Variants in MTA1 observed in about 807,000 individuals in gnomAD.
MTA1 encodes metastasis-associated protein MTA1.
MTA1 carries 15 observed loss-of-function variants against 97.0 expected under a neutral mutation model. The ratio of observed to expected loss-of-function variants is 0.15; its 90% confidence interval spans 0.10 to 0.24. The LOEUF is 0.24. Ranked by LOEUF, MTA1 falls within the 10% of genes least tolerant of loss-of-function variation. The probability of loss-of-function intolerance (pLI) is 1.00; values close to 1 mark genes in which losing one functional copy is unlikely to be tolerated. For synonymous variants in MTA1, 435 were observed against 417.5 expected, an observed-to-expected ratio of 1.04 and a Z score of -0.51; for missense variants, 709 against 1,015.1, an observed-to-expected ratio of 0.70 and a Z score of 4.10.
Position 105,463,090 on chromosome 14 carries a change from T to C in MTA1, c.943-94T>C. ...CCTCGCCCTCTGGCCTCCCGCCCCC[T>C]CTGTGGCCTTCTGGCCGCAGCCCTG... is the stretch of plus-strand genomic sequence containing the variant. On this transcript the variant is annotated intron_variant, in intron 10 of 20. Coordinates refer to ENST00000331320, the MANE Select transcript of MTA1 (RefSeq NM_004689.4). This position sits in a 1 kb window ranked among gnomAD's most constrained non-coding sequence, Gnocchi z 5.9. The C allele has an allele frequency of 7.9e-7, 1 of 1,272,452 alleles. No homozygotes were observed. Among genetic ancestry groups the C allele is most frequent in the African/African-American group, 1.5e-5 (1 of 68,154 alleles). The allele number at this position is 1,272,452 out of a possible 1,614,324, so 78.8% of individuals were successfully genotyped here.
chr14:105,463,894 G>T lies in MTA1; in HGVS notation c.1077-138G>T. On this transcript the variant is annotated intron_variant, in intron 12 of 20. Coordinates refer to ENST00000331320, the MANE Select transcript of MTA1 (RefSeq NM_004689.4). This position sits in a 1 kb window ranked among gnomAD's most constrained non-coding sequence, Gnocchi z 5.9. ...TCCCAGGAACTGAAAGGGGAGAAAGGAAGATCCCTGCCGAGGCCGAGGGGT... is the reference window on the plus strand; with the variant it reads ...TCCCAGGAACTGAAAGGGGAGAAAGTAAGATCCCTGCCGAGGCCGAGGGGT... 1.2e-6 allele frequency: 1 copy of T among 813,736 alleles called. No homozygotes were observed. The allele number at this position is 813,736 out of a possible 1,614,324, so 50.4% of individuals were successfully genotyped here. A position where few individuals can be genotyped will look rare whatever the true frequency, so the allele number is the denominator to read the frequency against.
At position 105,445,425 on chromosome 14, in the gene MTA1, A is replaced by G. The variant is rs1261472589; in HGVS notation, c.104A>G (p.Asn35Ser). 1.2e-6 allele frequency: 2 copies of G among 1,613,730 alleles called. No individual in the cohort carries two copies. The highest frequency in any genetic ancestry group is 1.7e-6 in the Non-Finnish European group (2 of 1,179,898). The change falls in exon 3 of 21, where the codon AAT becomes AGT. Residue 35 changes from asparagine to serine, a missense_variant. Physicochemically the swap from Asn to Ser is conservative, Grantham distance 46. Around this residue, in one of 2 missense-constraint regions of MTA1, gnomAD observed 321 missense variants for 593.5 expected, o/e 0.54. Coordinates refer to ENST00000331320, the MANE Select transcript of MTA1 (RefSeq NM_004689.4). ...CCTGCCTTGCTGTTACAGACGGCCA[A>G]TGGGAACGTGGAGGCCAAAGTGGTG... is the stretch of plus-strand genomic sequence containing the variant. ...RRIEELNKTA[N>S]GNVEAKVVCF...
chr14:105,439,357 G>A (rs1401681741), intron 2 of MTA1, among the ~76,000 whole-genome samples: 2 of 151,996 alleles, frequency 1.3e-5, no homozygotes, highest in Admixed American at 6.5e-5. Flanking sequence ...GTCGGGGGAC[G>A]TGGTTGTGCC....
At chr14:105,449,025 G>T (rs753753670) in intron 3 of MTA1, 1 of 287,848 alleles carries the variant, frequency 3.5e-6, no homozygotes, top group African/African-American at 2.2e-5. Flanking sequence ...GCTGCTGGCC[G>T]GTGCCCGGCC....
chr14:105,449,668 G>A lies in MTA1; in HGVS notation c.241+259G>A, dbSNP rs587669336. 6.1e-4 allele frequency among the ~76,000 whole-genome samples: 93 copies of A among 152,280 alleles called. 2 individuals carry two copies. The East Asian group carries it at 0.016, about 27-fold the overall frequency. ...GGCTGTCTGGCCACGAGATGGGGAC[G>A]GACAGAGGGCGGCTGCCCCTCGCCC... On this transcript the variant is annotated intron_variant, in intron 4 of 20. Transcript: ENST00000331320.
At position 105,420,028 on chromosome 14, in the gene MTA1, G is replaced by C; in HGVS notation, c.-8G>C. 9.3e-7 allele frequency: 1 copy of C among 1,075,780 alleles called. No homozygotes were observed. Among genetic ancestry groups the C allele is most frequent in the South Asian group, 2.9e-5 (1 of 34,742 alleles). 66.6% of individuals were successfully genotyped at this position (1,075,780 alleles called of 1,614,324 possible). On this transcript the variant is annotated 5_prime_UTR_variant, in exon 1 of 21. Transcript: ENST00000331320. This position sits in a 1 kb window ranked among gnomAD's most constrained non-coding sequence, Gnocchi z 5.3. Reference sequence around the variant, plus strand: ...GCCCCGGGCCCCTCCGCCGCCGCCGGCCCGGACATGGCCGCCAACATGTAC... The same window carrying C: ...GCCCCGGGCCCCTCCGCCGCCGCCGCCCCGGACATGGCCGCCAACATGTAC...
intron 6 of MTA1, among the ~76,000 whole-genome samples, chr14:105,451,651 G>C (rs1245108011): frequency 6.6e-6 from 1 of 152,208 alleles, no homozygotes; most frequent in Non-Finnish European, 1.5e-5. Flanking sequence ...GCAGTGACAA[G>C]CCTGTCTGCA....
chr14:105,468,208 C>G, intron 18 of MTA1: 2 of 980,452 alleles, frequency 2.0e-6, no homozygotes, highest in Non-Finnish European at 2.9e-6. Context: ...GGGGCCCCAG[C>G]GCTCTAACCC....
Position 105,422,940 on chromosome 14 carries a change from G to A in MTA1, c.28+2877G>A, listed in dbSNP as rs2081892085. On this transcript the variant is annotated intron_variant, in intron 1 of 20. Transcript: ENST00000331320. The surrounding 1 kb of genome is among the most constrained non-coding windows in gnomAD (Gnocchi z 4.3). The stretch of plus-strand genomic sequence containing the variant: ...GGTTCCCTGACCTCTGCTTCTCAAG[G>A]GTTGTCCATCCCGAGGGCTGGGGAA... Among the ~76,000 whole-genome samples the A allele has an allele frequency of 6.6e-6, 1 of 152,162 alleles. No individual in the cohort carries two copies. Among genetic ancestry groups the A allele is most frequent in the Non-Finnish European group, 1.5e-5 (1 of 68,028 alleles).
chr14:105,460,548 G>A, intron 9 of MTA1, 91 bp downstream of exon 9: 1 of 1,342,342 alleles, frequency 7.4e-7, no homozygotes, highest in Non-Finnish European at 1.0e-6. Context: ...CCCAGCACCT[G>A]CCCCAGGTAT....
Position 105,422,353 on chromosome 14 carries a change from G to A in MTA1, c.28+2290G>A, listed in dbSNP as rs1206985685. ...GGGAGGTGGGCGTCTGGATTCTTGAGCCCCCAGACAAGAAAGAGGAAGGTG... is the reference window on the plus strand; with the variant it reads ...GGGAGGTGGGCGTCTGGATTCTTGAACCCCCAGACAAGAAAGAGGAAGGTG... On this transcript the variant is annotated intron_variant, in intron 1 of 20. Coordinates refer to ENST00000331320, the MANE Select transcript of MTA1 (RefSeq NM_004689.4). This position sits in a 1 kb window ranked among gnomAD's most constrained non-coding sequence, Gnocchi z 4.3. 6.6e-6 allele frequency among the ~76,000 whole-genome samples: 1 copy of A among 152,122 alleles called. No individual in the cohort carries two copies. The highest frequency in any genetic ancestry group is 1.5e-5 in the Non-Finnish European group (1 of 68,020).
chr14:105,449,316 C>G (rs375227537), intron 3 of MTA1, 43 bp from the exon 4 acceptor site: 113 of 1,598,996 alleles, frequency 7.1e-5, no homozygotes, highest in Non-Finnish European at 9.3e-5. Flanking sequence ...GGCCGCCACC[C>G]TGTGCTGACC....
At position 105,422,772 on chromosome 14, in the gene MTA1, G is replaced by A. The variant is rs978704903; in HGVS notation, c.28+2709G>A. Among the ~76,000 whole-genome samples the A allele has an allele frequency of 2.0e-5, 3 of 152,220 alleles. No homozygotes were observed. The highest frequency in any genetic ancestry group is 4.4e-5 in the Non-Finnish European group (3 of 68,036). On this transcript the variant is annotated intron_variant, in intron 1 of 20. Coordinates refer to ENST00000331320, the MANE Select transcript of MTA1 (RefSeq NM_004689.4). This position sits in a 1 kb window ranked among gnomAD's most constrained non-coding sequence, Gnocchi z 4.3. ...GTGAAGGTGTGGTGGCAGTATTTTTGTGCCAGCTGAGCTGGGTGAAGTGGT... is the reference window on the plus strand; with the variant it reads ...GTGAAGGTGTGGTGGCAGTATTTTTATGCCAGCTGAGCTGGGTGAAGTGGT...
At chr14:105,421,059 C>T (rs1008018568) in intron 1 of MTA1, among the ~76,000 whole-genome samples, 1 of 152,220 alleles carries the variant, frequency 6.6e-6, no homozygotes, top group East Asian at 1.9e-4. Flanking sequence ...AGCGTGGCTT[C>T]TGCTGCCTTG....
chr14:105,440,166 C>T (rs1177977817), intron 2 of MTA1, among the ~76,000 whole-genome samples: 1 of 152,208 alleles, frequency 6.6e-6, no homozygotes. Context: ...CTGGGCAGGG[C>T]CTGCCCGCCT....
At chr14:105,436,174 C>T (rs1363367306) in intron 1 of MTA1, among the ~76,000 whole-genome samples, 2 of 152,152 alleles carry the variant, frequency 1.3e-5, no homozygotes, top group African/African-American at 4.8e-5. Flanking sequence ...GAGGTTGAGG[C>T]AGAAGAATCA....
At chr14:105,431,922 G>A (rs587750136) in intron 1 of MTA1, among the ~76,000 whole-genome samples, 9 of 152,254 alleles carry the variant, frequency 5.9e-5, no homozygotes, top group South Asian at 2.1e-4. Flanking sequence ...CACTACACCC[G>A]GCCTGTGGAA....
intron 18 of MTA1, chr14:105,467,813 T>C: frequency 3.8e-6 from 1 of 262,840 alleles, no homozygotes; most frequent in Non-Finnish European, 7.5e-6. Context: ...CCATAAGAGC[T>C]GGTAGAAACA....
At chr14:105,457,901 G>C (rs1292350630) in intron 7 of MTA1, among the ~76,000 whole-genome samples, 3 of 151,788 alleles carry the variant, frequency 2.0e-5, no homozygotes, top group Non-Finnish European at 2.9e-5. Context: ...TTCCAGCCTG[G>C]GCGACAGAGT....
Sources: allele counts gnomAD v4.1 joint callset (sites outside exome capture counted in the v4.1 genomes callset), GRCh38; gene constraint gnomAD v4.1.1; regional missense constraint gnomAD v4.1.1; non-coding constraint Gnocchi (gnomAD v3.1); transcripts MANE v1.5; gene names NCBI Gene and HGNC (gene_info 2026-07-23, HGNC 2026-07-21).